SEH1L: variants seen among roughly 807,000 people sequenced by gnomAD.
SEH1L encodes the protein SEH1 like nucleoporin.
A neutral mutation model predicts 49.5 loss-of-function variants in SEH1L; 18 were observed. That is an observed-to-expected ratio of 0.36 (90% confidence interval 0.25 to 0.54). SEH1L has a LOEUF of 0.54. Ranked by LOEUF, SEH1L falls within the 20% of genes least tolerant of loss-of-function variation. The probability of loss-of-function intolerance (pLI) is 0.87; values close to 1 mark genes in which losing one functional copy is unlikely to be tolerated. For missense variants in SEH1L, 404 were observed against 528.8 expected (o/e 0.76, Z 2.31); for synonymous variants, 169 against 178.1 (o/e 0.95, Z 0.41).
chr18:12,980,214 A>ACC (rs1214875326), intron 6 of SEH1L, among the ~76,000 whole-genome samples: 2 of 92,170 alleles, frequency 2.2e-5, no homozygotes, highest in Non-Finnish European at 4.3e-5. Context: ...CGGGGGGCTG[A>ACC]CCCCCCCACC....
At chr18:12,980,030 C>G (rs1242817949) in intron 6 of SEH1L, among the ~76,000 whole-genome samples, 1 of 100,692 alleles carries the variant, frequency 9.9e-6, no homozygotes, top group Non-Finnish European at 2.0e-5. Flanking sequence ...CCCGGACGGG[C>G]GGCTGACCCC....
chr18:12,986,274 A>G (rs1225201999), intron 8 of SEH1L: 1 of 985,188 alleles, frequency 1.0e-6, no homozygotes, highest in Non-Finnish European at 1.2e-6. Context: ...GAAGAATAAC[A>G]GTAGGGCACA....
Position 12,962,459 on chromosome 18 carries a change from CTTTTT to C in SEH1L, c.310-679_310-675del, listed in dbSNP as rs3070220. 1.6e-3 allele frequency among the ~76,000 whole-genome samples: 104 copies of C among 63,640 alleles called. 1 individual carries two copies. The highest frequency in any genetic ancestry group is 6.1e-3 in the African/African-American group (91 of 14,856). 41.8% of individuals were successfully genotyped at this position (63,640 alleles called of 152,430 possible). A position where few individuals can be genotyped will look rare whatever the true frequency, so the allele number is the denominator to read the frequency against. ...TTGAGAGAAGAAATTGCATGCCTTTCTTTTTTTTTTTTTTTTTTTTTTTTTTGAGA... is the reference window on the plus strand; with the variant it reads ...TTGAGAGAAGAAATTGCATGCCTTTCTTTTTTTTTTTTTTTTTTTTTGAGA... On this transcript the variant is annotated intron_variant, in intron 3 of 8. Transcript: ENST00000399892.
Position 12,963,170 on chromosome 18 carries a change from C to T in SEH1L, c.320C>T (p.Thr107Ile). Residue 107 changes from threonine (T) to isoleucine (I), a missense_variant, in exon 4 of 9, where the codon ACA (threonine) becomes ATA (isoleucine). Thr to Ile is a moderately conservative substitution (Grantham distance 89). This residue lies in a region of SEH1L where 342 missense variants were observed against 430.8 expected (regional missense o/e 0.79). Coordinates refer to ENST00000399892, the MANE Select transcript of SEH1L (RefSeq NM_001013437.2). ...TTATTTTTTTTTTAGGTTAAAAGGA[C>T]AACTCTGGTGGATAGCAGAACATCT... ...LRGQSHWVKR[T>I]TLVDSRTSVT... The T allele has an allele frequency of 6.2e-7, 1 of 1,607,716 alleles. No homozygotes were observed. Among genetic ancestry groups the T allele is most frequent in the Non-Finnish European group, 8.5e-7 (1 of 1,176,322 alleles).
chr18:12,969,824 G>C (rs898593571), intron 4 of SEH1L, among the ~76,000 whole-genome samples: 6 of 151,818 alleles, frequency 4.0e-5, no homozygotes, highest in Admixed American at 3.9e-4. Flanking sequence ...CCCAGGAGGT[G>C]GAGGTTGCAG....
chr18:12,954,313 C>T (rs2030724948), intron 2 of SEH1L, among the ~76,000 whole-genome samples: 1 of 152,202 alleles, frequency 6.6e-6, no homozygotes, highest in Non-Finnish European at 1.5e-5. Context: ...GCCACCTCCC[C>T]TCCCACCCCT....
intron 4 of SEH1L, among the ~76,000 whole-genome samples, chr18:12,969,290 G>A (rs1598961844): frequency 1.4e-5 from 2 of 145,644 alleles, no homozygotes; most frequent in East Asian, 4.1e-4. Context: ...TTAGCTGGGT[G>A]TGGTGGTGCA....
intron 6 of SEH1L, among the ~76,000 whole-genome samples, chr18:12,979,746 G>T: frequency 7.1e-6 from 1 of 141,646 alleles, no homozygotes; most frequent in African/African-American, 2.6e-5. Context: ...CGGGCGGGGG[G>T]CTGACCCCCC....
chr18:12,970,595 AT>A (rs199816145), intron 4 of SEH1L, among the ~76,000 whole-genome samples: 3 of 149,704 alleles, frequency 2.0e-5, no homozygotes, highest in Admixed American at 6.7e-5. Context: ...AATTAAACAA[AT>A]TTTTTTTTTG....
chr18:12,979,050 T>C (rs189596827), intron 6 of SEH1L, among the ~76,000 whole-genome samples, 158 bp downstream of exon 6: 76 of 151,864 alleles, frequency 5.0e-4, no homozygotes, highest in Non-Finnish European at 9.1e-4. Flanking sequence ...TTAAAAATGG[T>C]CTTTTACAGT....
At chr18:12,980,523 C>G in intron 6 of SEH1L, among the ~76,000 whole-genome samples, 1 of 87,752 alleles carries the variant, frequency 1.1e-5, no homozygotes, top group Admixed American at 1.0e-4. Flanking sequence ...GGGGGCTGAC[C>G]CCCCCACCTC....
Position 12,948,052 on chromosome 18 carries a change from C to G in SEH1L, c.-70C>G, listed in dbSNP as rs2030220276. 3 of 1,206,520 alleles carry G rather than the reference C, an allele frequency of 2.5e-6. No individual in the cohort carries two copies. The highest frequency in any genetic ancestry group is 2.5e-5 in the East Asian group (1 of 40,400). 74.7% of individuals were successfully genotyped at this position (1,206,520 alleles called of 1,614,324 possible). A position where few individuals can be genotyped will look rare whatever the true frequency, so the allele number is the denominator to read the frequency against. On this transcript the variant is annotated 5_prime_UTR_variant, in exon 1 of 9. Coordinates refer to ENST00000399892, the MANE Select transcript of SEH1L (RefSeq NM_001013437.2). ...TCCCGGGCTGCGAGGTCTGGCTAGG[C>G]TACGGGCCACGCGCCGCCGCCGCTG...
Position 12,982,576 on chromosome 18 carries a change from T to G in SEH1L, c.820T>G (p.Phe274Val). 6.2e-7 allele frequency: 1 copy of G among 1,613,948 alleles called. No homozygotes were observed. The stretch of plus-strand genomic sequence containing the variant: ...GTTTGAAATCCATATAGTGGCTCAG[T>G]TCGATAATCATAATTCTCAGGTCTG... Reference protein sequence around the residue: ...TKFEIHIVAQFDNHNSQVWRV... With the variant: ...TKFEIHIVAQVDNHNSQVWRV... The change falls in exon 7 of 9, where the codon TTC becomes GTC. Residue 274 changes from phenylalanine (F) to valine (V), a missense_variant. Physicochemically the swap from Phe to Val is conservative, Grantham distance 50 (BLOSUM62 -1). This residue lies in a region of SEH1L where 342 missense variants were observed against 430.8 expected (regional missense o/e 0.79). Coordinates refer to ENST00000399892, the MANE Select transcript of SEH1L (RefSeq NM_001013437.2).
intron 4 of SEH1L, among the ~76,000 whole-genome samples, chr18:12,969,878 A>G (rs1421773038): frequency 6.6e-6 from 1 of 151,584 alleles, no homozygotes; most frequent in Non-Finnish European, 1.5e-5. Flanking sequence ...TGACAGAGCA[A>G]GGCTCTGTCT....
intron 4 of SEH1L, among the ~76,000 whole-genome samples, chr18:12,966,061 A>G (rs1367694543): frequency 6.7e-6 from 1 of 149,384 alleles, no homozygotes; most frequent in African/African-American, 2.5e-5. Flanking sequence ...CTTACTTATC[A>G]CTTACCATTT....
At chr18:12,958,096 T>C (rs1381906848) in intron 3 of SEH1L, among the ~76,000 whole-genome samples, 4 of 51,474 alleles carry the variant, frequency 7.8e-5, no homozygotes, top group Non-Finnish European at 1.4e-4. Context: ...TTTTTTTTTT[T>C]TTTTTGAGAC....
At chr18:12,979,848 A>G (rs1370478782) in intron 6 of SEH1L, among the ~76,000 whole-genome samples, 52 of 108,724 alleles carry the variant, frequency 4.8e-4, no homozygotes, top group East Asian at 3.1e-4. Flanking sequence ...TCACCTCCCG[A>G]ATGGGGCGGC....
chr18:12,979,026 C>T, intron 6 of SEH1L, 134 bp downstream of exon 6: 1 of 842,658 alleles, frequency 1.2e-6, no homozygotes, highest in Non-Finnish European at 1.8e-6. Flanking sequence ...AAAATGTAAA[C>T]TTTGAAATGT....
At chr18:12,974,997 TA>T (rs1349238329) in intron 5 of SEH1L, among the ~76,000 whole-genome samples, 5 of 150,862 alleles carry the variant, frequency 3.3e-5, no homozygotes, top group Non-Finnish European at 5.9e-5. Flanking sequence ...ATTTTTATTT[TA>T]TTTTTTTTTT....
Sources: gnomAD v4.1 joint callset for allele counts (sites outside exome capture counted in the v4.1 genomes callset) on GRCh38, gnomAD v4.1.1 for gene constraint, gnomAD v4.1.1 regional missense constraint, MANE v1.5 for transcripts, NCBI Gene and HGNC (gene_info 2026-07-23, HGNC 2026-07-21) for gene names.